The following MARCHF10 variants were observed in gnomAD, a reference collection of about 807,000 sequenced individuals.
MARCHF10 encodes the protein membrane associated ring-CH-type finger 10, also known as probable E3 ubiquitin-protein ligase MARCHF10.
A neutral mutation model predicts 76.2 loss-of-function variants in MARCHF10; 64 were observed. The ratio of observed to expected loss-of-function variants is 0.84; its 90% confidence interval spans 0.69 to 1.03. The LOEUF (loss-of-function observed/expected upper bound fraction) is 1.03. MARCHF10 is among the 50% of genes least tolerant of loss of function. The pLI is 0.00. For missense variants in MARCHF10, 875 were observed against 958.0 expected, an observed-to-expected ratio of 0.91 and a Z score of 1.14; for synonymous variants, 340 against 357.5, an observed-to-expected ratio of 0.95 and a Z score of 0.55.
intron 8 of MARCHF10, chr17:62,714,555 G>A (rs2090095894): frequency 4.9e-6 from 1 of 205,510 alleles, no homozygotes; most frequent in South Asian, 1.7e-4. Context: ...CCAGTGCCTG[G>A]TATACTGTGC....
intron 2 of MARCHF10, among the ~76,000 whole-genome samples, chr17:62,800,295 A>G (rs1025254342): frequency 2.0e-5 from 3 of 152,222 alleles, no homozygotes; most frequent in African/African-American, 4.8e-5. Context: ...CCATAAAACT[A>G]TAAGATTGAT....
At chr17:62,705,641 G>A (rs2089540381) in intron 9 of MARCHF10, 60 bp from the exon 10 acceptor site, 5 of 1,597,586 alleles carry the variant, frequency 3.1e-6, no homozygotes, top group South Asian at 1.1e-5. Flanking sequence ...GTGAACAGAT[G>A]TATAACCTCC....
intron 5 of MARCHF10, among the ~76,000 whole-genome samples, chr17:62,740,049 AGTGTGTGTGT>A (rs112894135): frequency 3.4e-5 from 5 of 145,530 alleles, no homozygotes; most frequent in South Asian, 4.5e-4. Flanking sequence ...GCTTCTCTGC[AGTGTGTGTGT>A]GTGTGTGTGT....
chr17:62,798,832 A>G (rs1051822374), intron 2 of MARCHF10, among the ~76,000 whole-genome samples: 1 of 152,222 alleles, frequency 6.6e-6, no homozygotes, highest in Admixed American at 6.5e-5. Flanking sequence ...AAAGCTACCA[A>G]TGAGAGGCCT....
chr17:62,732,805 C>G (rs1194427160), intron 6 of MARCHF10, among the ~76,000 whole-genome samples: 1 of 151,846 alleles, frequency 6.6e-6, no homozygotes, highest in Non-Finnish European at 1.5e-5. Context: ...CCAGCCTGGC[C>G]AACCCGGTGA....
At chr17:62,719,117 A>G (rs1249005059) in intron 8 of MARCHF10, among the ~76,000 whole-genome samples, 1 of 152,252 alleles carries the variant, frequency 6.6e-6, no homozygotes, top group African/African-American at 2.4e-5. Context: ...TTGACTGCTT[A>G]TAAAGTGGAA....
chr17:62,757,630 A>T (rs1185577606), intron 4 of MARCHF10, among the ~76,000 whole-genome samples: 2 of 152,220 alleles, frequency 1.3e-5, no homozygotes, highest in Non-Finnish European at 2.9e-5. Flanking sequence ...CCACTTCTGC[A>T]GCAACTGCCA....
rs560377438 is a variant in MARCHF10 at position 62,737,602 on chromosome 17, TG to T, written c.536-271del. The T allele has an allele frequency of 2.8e-4, 129 of 454,364 alleles. 2 individuals carry two copies. In the South Asian group the frequency reaches 3.4e-3, roughly 12 times the overall value. 28.1% of individuals were successfully genotyped at this position (454,364 alleles called of 1,614,324 possible). On this transcript the variant is annotated intron_variant, in intron 5 of 10. Transcript: ENST00000311269. ...CTTTCTGCAGAAGCTCCCGGAAGAC[TG>T]GCCCAGCCCCAGCCAGTCAGGACTG...
intron 4 of MARCHF10, among the ~76,000 whole-genome samples, chr17:62,752,871 C>T (rs1218661834): frequency 6.6e-6 from 1 of 152,076 alleles, no homozygotes; most frequent in Non-Finnish European, 1.5e-5. Flanking sequence ...GTCTGGCCAC[C>T]CTCACACTCT....
chr17:62,732,528 C>A (rs1463730431), intron 6 of MARCHF10, among the ~76,000 whole-genome samples: 2 of 152,156 alleles, frequency 1.3e-5, no homozygotes, highest in Non-Finnish European at 2.9e-5. Context: ...AAAAATAAAG[C>A]TTACTTCACA....
rs376539645 is a variant in MARCHF10 at position 62,705,599 on chromosome 17, A to G, written c.2329-18T>C. 1.6e-5 allele frequency: 26 copies of G among 1,613,242 alleles called. No individual in the cohort carries two copies. In the African/African-American group the frequency reaches 3.3e-4, roughly 21 times the overall value. ...CTTGACAACTACAAGAAAGAAGACA[A>G]TGAGAAATGAATTGTTTTTTCCAAT... is the stretch of plus-strand genomic sequence containing the variant. On this transcript the variant is annotated intron_variant, in intron 9 of 10. Transcript: ENST00000311269.
Position 62,795,491 on chromosome 17 carries a change from T to C in MARCHF10, c.90+6155A>G, listed in dbSNP as rs768439888. Reference sequence around the variant, plus strand: ...CTGAAATAGCATGCAATATGCCAAATAGATGTTTATTTCCTCTTGTTTTCT... The same window carrying C: ...CTGAAATAGCATGCAATATGCCAAACAGATGTTTATTTCCTCTTGTTTTCT... On this transcript the variant is annotated intron_variant, in intron 2 of 10. Transcript: ENST00000311269. Among the ~76,000 whole-genome samples the C allele has an allele frequency of 5.3e-5, 8 of 151,038 alleles. No homozygotes were observed. In the East Asian group the frequency reaches 5.9e-4, roughly 11 times the overall value.
At chr17:62,769,312 T>G (rs2092397991) in intron 3 of MARCHF10, among the ~76,000 whole-genome samples, 1 of 152,238 alleles carries the variant, frequency 6.6e-6, no homozygotes, top group African/African-American at 2.4e-5. Context: ...AGCCTGTCCC[T>G]AAGTAGTATT....
At chr17:62,751,359 C>G (rs1345878774) in intron 4 of MARCHF10, among the ~76,000 whole-genome samples, 1 of 152,144 alleles carries the variant, frequency 6.6e-6, no homozygotes, top group Admixed American at 6.5e-5. Context: ...ACAGACCAGC[C>G]ACATCGATGT....
At chr17:62,702,837 C>A (rs746639396) in intron 10 of MARCHF10, among the ~76,000 whole-genome samples, 1 of 152,184 alleles carries the variant, frequency 6.6e-6, no homozygotes, top group African/African-American at 2.4e-5. Context: ...CCCATCCCCT[C>A]GTCCATCCTG....
intron 5 of MARCHF10, among the ~76,000 whole-genome samples, chr17:62,739,672 T>A (rs775498687): frequency 1.3e-5 from 2 of 152,128 alleles, no homozygotes; most frequent in African/African-American, 4.8e-5. Flanking sequence ...TGAGCCACCG[T>A]GCCCGGCCGG....
chr17:62,795,910 TCCAC>T lies in MARCHF10; in HGVS notation c.90+5732_90+5735del, dbSNP rs998506272. On this transcript the variant is annotated intron_variant, in intron 2 of 10. Coordinates refer to ENST00000311269, the MANE Select transcript of MARCHF10 (RefSeq NM_152598.4). ...TCATTGATGATCCAGAGTGCCAATA[TCCAC>T]CCACCACAAAGTCACCATAGCCAAT... 3.3e-5 allele frequency among the ~76,000 whole-genome samples: 5 copies of T among 152,190 alleles called. No individual in the cohort carries two copies. In the East Asian group the frequency reaches 9.7e-4, roughly 29 times the overall value.
chr17:62,757,020 T>C (rs12946907), intron 4 of MARCHF10, among the ~76,000 whole-genome samples: 78,659 of 152,070 alleles, frequency 0.52, 21,417 homozygotes, highest in East Asian at 0.7. Context: ...TTTAAATAGT[T>C]GTTTTGGAGG....
chr17:62,793,600 C>CACA (rs1568221086), intron 2 of MARCHF10, among the ~76,000 whole-genome samples: 2 of 144,850 alleles, frequency 1.4e-5, no homozygotes, highest in Non-Finnish European at 3.0e-5. Flanking sequence ...CCACCACCAC[C>CACA]TCTATCACCA....
Sources: gnomAD v4.1 joint callset for allele counts (sites outside exome capture counted in the v4.1 genomes callset) on GRCh38, gnomAD v4.1.1 for gene constraint, MANE v1.5 for transcripts, NCBI Gene and HGNC (gene_info 2026-07-23, HGNC 2026-07-21) for gene names.